ECRG4: variants seen among roughly 807,000 people sequenced by gnomAD.
ECRG4 encodes the protein augurin.
Under a neutral mutation model 15.8 loss-of-function variants are expected in ECRG4, and 18 were observed. That is an observed-to-expected ratio of 1.14 (90% confidence interval 0.79 to 1.69). ECRG4 has a LOEUF of 1.69. Among genes scored for constraint, ECRG4 ranks in the 40% most tolerant of loss-of-function variants. The probability of loss-of-function intolerance (pLI) is 0.00; values close to 1 mark genes in which losing one functional copy is unlikely to be tolerated. For missense variants in ECRG4, 200 were observed against 190.9 expected (o/e 1.05, Z -0.28); for synonymous variants, 82 against 73.9 (o/e 1.11, Z -0.56).
intron 1 of ECRG4, among the ~76,000 whole-genome samples, chr2:106,069,090 C>CCCTT (rs144429248): frequency 6.0e-5 from 9 of 149,868 alleles, no homozygotes; most frequent in South Asian, 2.1e-4. Context: ...TTTCCTTCCT[C>CCCTT]CCTTCCTTCC....
intron 3 of ECRG4, among the ~76,000 whole-genome samples, chr2:106,074,684 G>A (rs773942208): frequency 1.3e-5 from 2 of 152,206 alleles, no homozygotes; most frequent in Non-Finnish European, 2.9e-5. Context: ...AGATGCTGCC[G>A]CATGGGCATC....
In ECRG4 at chr2:106,065,861, A is replaced by G. The variant is rs17032271; in HGVS notation, c.79+18A>G. ...GGGCCCAGGTGAGCGGGGCGATGCC[A>G]GGCTGATTGATAGCGGCACCAGGGG... On this transcript the variant is annotated intron_variant, in intron 1 of 3. Coordinates refer to ENST00000238044, the MANE Select transcript of ECRG4 (RefSeq NM_032411.3). The G allele has an allele frequency of 0.053, 78,213 of 1,466,628 alleles. 2,819 individuals are homozygous for G. The highest frequency in any genetic ancestry group is 0.2 in the East Asian group (6,755 of 33,680). 90.9% of individuals were successfully genotyped at this position (1,466,628 alleles called of 1,614,324 possible).
intron 3 of ECRG4, 86 bp from the exon 4 acceptor site, chr2:106,077,679 T>C (rs1321939196): frequency 7.9e-7 from 1 of 1,261,768 alleles, no homozygotes; most frequent in South Asian, 1.5e-5. Flanking sequence ...AAAACCACCA[T>C]GAAGAAAAGC....
chr2:106,077,494 A>T (rs533731721), intron 3 of ECRG4, among the ~76,000 whole-genome samples: 1 of 152,306 alleles, frequency 6.6e-6, no homozygotes, highest in South Asian at 2.1e-4. Context: ...AGAGAGAAAA[A>T]CATTTAAGTC....
intron 2 of ECRG4, among the ~76,000 whole-genome samples, chr2:106,072,940 A>G (rs77700781): frequency 0.039 from 5,998 of 152,312 alleles, 162 homozygotes; most frequent in Non-Finnish European, 0.058. Flanking sequence ...CTCAGTTCAA[A>G]TCAAGAAACA....
chr2:106,077,449 T>A (rs79197458), intron 3 of ECRG4, among the ~76,000 whole-genome samples: 2,058 of 152,336 alleles, frequency 0.014, 23 homozygotes, highest in Non-Finnish European at 0.022. Context: ...CAAGTTGTTA[T>A]GGTATTTGGG....
At chr2:106,072,786 G>A (rs1449163572) in intron 2 of ECRG4, among the ~76,000 whole-genome samples, 1 of 152,150 alleles carries the variant, frequency 6.6e-6, no homozygotes, top group Non-Finnish European at 1.5e-5. Flanking sequence ...GGCTCAGAGG[G>A]CCCCCTCCCT....
chr2:106,074,983 G>T (rs1348813922), intron 3 of ECRG4, among the ~76,000 whole-genome samples: 4 of 152,038 alleles, frequency 2.6e-5, no homozygotes, highest in African/African-American at 9.7e-5. Flanking sequence ...CCAACCATTG[G>T]ACATATTACT....
At chr2:106,074,174 T>C (rs13018533) in intron 3 of ECRG4, 131 bp downstream of exon 3, 38,255 of 1,016,172 alleles carry the variant, frequency 0.038, 959 homozygotes, top group Admixed American at 0.076. Context: ...CCCCATCATA[T>C]GCCAAGTGCT....
At position 106,078,080 on chromosome 2, in the gene ECRG4, T is replaced by G; in HGVS notation, c.*154T>G. 1.9e-6 allele frequency: 1 copy of G among 536,958 alleles called. No individual in the cohort carries two copies. The highest frequency in any genetic ancestry group is 3.0e-6 in the Non-Finnish European group (1 of 334,762). The allele number at this position is 536,958 out of a possible 1,614,324, so 33.3% of individuals were successfully genotyped here. On this transcript the variant is annotated 3_prime_UTR_variant, in exon 4 of 4. Transcript: ENST00000238044. ...AAAAAAGAAGAGTTAAAACAACACATGTAAATGCCTTTTGATATTTCATGG... is the reference window on the plus strand; with the variant it reads ...AAAAAAGAAGAGTTAAAACAACACAGGTAAATGCCTTTTGATATTTCATGG...
At chr2:106,067,004 C>T (rs958002480) in intron 1 of ECRG4, among the ~76,000 whole-genome samples, 1 of 137,876 alleles carries the variant, frequency 7.3e-6, no homozygotes, top group Non-Finnish European at 1.5e-5. Flanking sequence ...CTTTAAGAAG[C>T]ACATCTGGGC....
chr2:106,073,358 C>T (rs114101299), intron 2 of ECRG4, among the ~76,000 whole-genome samples: 146 of 152,346 alleles, frequency 9.6e-4, no homozygotes, highest in African/African-American at 3.3e-3. Context: ...GTCCCAGCAG[C>T]CTGGTGTGAG....
intron 1 of ECRG4, among the ~76,000 whole-genome samples, chr2:106,067,452 A>T (rs61194367): frequency 1.3e-5 from 2 of 151,610 alleles, no homozygotes; most frequent in Non-Finnish European, 2.9e-5. Context: ...GGGATGTGAA[A>T]GTTCTTATAC....
upstream of ECRG4, chr2:106,065,594 G>C (rs1472550996): frequency 2.3e-6 from 1 of 440,352 alleles, no homozygotes. Context: ...GGGCGCAGCC[G>C]CTTGGCCCTC....
chr2:106,072,773 G>A (rs1676398756), intron 2 of ECRG4, among the ~76,000 whole-genome samples: 1 of 152,178 alleles, frequency 6.6e-6, no homozygotes. Context: ...CAATCTCTGA[G>A]GCGGCTCAGA....
Position 106,077,783 on chromosome 2 carries a change from A to G in ECRG4, c.304A>G (p.Thr102Ala), listed in dbSNP as rs779524318. 1.6e-5 allele frequency: 26 copies of G among 1,613,662 alleles called. No homozygotes were observed. The change falls in exon 4 of 4, where the codon ACC becomes GCC. Residue 102 changes from threonine to alanine, a missense_variant. Thr to Ala is a moderately conservative substitution (Grantham distance 58). Transcript: ENST00000238044. ...CCTCCAGAAATTTGAAGATGACATC[A>G]CCTATTGGCTTAACAGAGATCGAAA... ...FDEAKFEDDI[T>A]YWLNRDRNGH...
intron 3 of ECRG4, 84 bp downstream of exon 3, chr2:106,074,127 G>C: frequency 6.6e-7 from 1 of 1,523,498 alleles, no homozygotes; most frequent in Non-Finnish European, 9.0e-7. Flanking sequence ...ATAGGAAGCA[G>C]AAAATTCAGC....
chr2:106,073,965 G>A lies in ECRG4; in HGVS notation c.207G>A (p.Lys69=). Reference sequence around the variant, plus strand: ...TCCTTGGCAGCCTGAAGCGCCAGAAGCGGCAGCTGTGGGACCGGACTCGGC... The same window carrying A: ...TCCTTGGCAGCCTGAAGCGCCAGAAACGGCAGCTGTGGGACCGGACTCGGC... The part of the protein sequence containing the change: ...KEFLGSLKRQ[K]RQLWDRTRPE... The change falls in exon 3 of 4, where the codon AAG becomes AAA. Residue 69 remains lysine, a synonymous_variant. Transcript: ENST00000238044. 6.2e-7 allele frequency: 1 copy of A among 1,614,244 alleles called. No homozygotes were observed. Among genetic ancestry groups the A allele is most frequent in the Non-Finnish European group, 8.5e-7 (1 of 1,180,050 alleles).
At chr2:106,064,668 A>T (rs1238295468), upstream of ECRG4, among the ~76,000 whole-genome samples, 1 of 152,056 alleles carries the variant, frequency 6.6e-6, no homozygotes, top group Non-Finnish European at 1.5e-5. Context: ...CAAGAGTGAA[A>T]CTCCGTCTCA....
Sources: gnomAD v4.1 joint callset for allele counts (sites outside exome capture counted in the v4.1 genomes callset) on GRCh38, gnomAD v4.1.1 for gene constraint, MANE v1.5 for transcripts, NCBI Gene and HGNC (gene_info 2026-07-23, HGNC 2026-07-21) for gene names.